Variants in UBR4 observed in about 807,000 individuals in gnomAD.
UBR4 encodes ubiquitin protein ligase E3 component n-recognin 4, also known as E3 ubiquitin-protein ligase UBR4.
UBR4 carries 124 observed loss-of-function variants against 575.6 expected under a neutral mutation model. The observed-to-expected ratio is 0.22, with a 90% CI of 0.19 to 0.25. UBR4 has a LOEUF of 0.25. UBR4 is among the 10% of genes least tolerant of loss of function. UBR4 has a pLI of 1.00. For synonymous variants in UBR4, 2,455 were observed against 2,473.7 expected (o/e 0.99, Z 0.22); for missense variants, 4,818 against 6,478.8 (o/e 0.74, Z 8.80).
At position 19,077,961 on chromosome 1, in the gene UBR4, T is replaced by C. The variant is rs756717900; in HGVS notation, c.15324+15A>G. On this transcript the variant is annotated intron_variant, in intron 104 of 105. Coordinates refer to ENST00000375254, the MANE Select transcript of UBR4 (RefSeq NM_020765.3). ...CTCTTGCCAAAACCCACTGGGCCTC[T>C]GACAGCCTCCTTACCTTAAACATGT... 1 of 1,613,926 alleles carries C rather than the reference T, an allele frequency of 6.2e-7. No individual in the cohort carries two copies. Among genetic ancestry groups the C allele is most frequent in the Admixed American group, 1.7e-5 (1 of 60,014 alleles).
chr1:19,094,783 C>T lies in UBR4; in HGVS notation c.13746+123G>A, dbSNP rs544294917. 2.7e-4 allele frequency: 366 copies of T among 1,356,448 alleles called. 5 individuals are homozygous for T. In the South Asian group the frequency reaches 4.9e-3, roughly 18 times the overall value. The allele number at this position is 1,356,448 out of a possible 1,614,324, so 84.0% of individuals were successfully genotyped here. A position where few individuals can be genotyped will look rare whatever the true frequency, so the allele number is the denominator to read the frequency against. Reference sequence around the variant, plus strand: ...CATCATTAGTTGAGTCCTAACATTCCAATGCTTAAGCAGGCTCCGCCATTC... The same window carrying T: ...CATCATTAGTTGAGTCCTAACATTCTAATGCTTAAGCAGGCTCCGCCATTC... On this transcript the variant is annotated intron_variant, in intron 94 of 105. Transcript: ENST00000375254.
chr1:19,164,199 A>G (rs1030376132), intron 33 of UBR4, 54 bp downstream of exon 33: 36 of 1,557,806 alleles, frequency 2.3e-5, no homozygotes, highest in Non-Finnish European at 3.1e-5. Flanking sequence ...AAAGAAAGTA[A>G]CCCACTTCTC....
intron 1 of UBR4, among the ~76,000 whole-genome samples, chr1:19,203,678 A>G (rs1231502601): frequency 2.0e-5 from 3 of 152,184 alleles, no homozygotes; most frequent in Non-Finnish European, 4.4e-5. Flanking sequence ...AGAGTCTGGC[A>G]TTGCGAGCAC....
chr1:19,153,814 T>C lies in UBR4; in HGVS notation c.6584A>G (p.Asp2195Gly). ...GVPLVVMVKP[D>G]TFLIQEIKTL... is the part of the protein sequence containing the mutation. Reference sequence around the variant, plus strand: ...CTTAATCTCCTGGATAAGAAAAGTGTCTGGTTTCACCATAACTACCAGCGG... The same window carrying C: ...CTTAATCTCCTGGATAAGAAAAGTGCCTGGTTTCACCATAACTACCAGCGG... The change falls in exon 45 of 106, where the codon GAC (aspartate) becomes GGC (glycine). Residue 2195 changes from aspartate (D) to glycine (G), a missense_variant. Physicochemically the swap from Asp to Gly is moderately conservative, Grantham distance 94. Coordinates refer to ENST00000375254, the MANE Select transcript of UBR4 (RefSeq NM_020765.3). The surrounding 1 kb of genome is among the most constrained non-coding windows in gnomAD (Gnocchi z 4.1). 1 of 1,614,202 alleles carries C rather than the reference T, an allele frequency of 6.2e-7. No individual in the cohort carries two copies.
At chr1:19,131,324 TTC>T (rs1323742770) in intron 60 of UBR4, among the ~76,000 whole-genome samples, 1 of 150,462 alleles carries the variant, frequency 6.6e-6, no homozygotes, top group Non-Finnish European at 1.5e-5. Flanking sequence ...TAAAGTAAAA[TTC>T]TGTTTTATTT....
chr1:19,131,413 T>C lies in UBR4; in HGVS notation c.8907-2339A>G, dbSNP rs577069765. Among the ~76,000 whole-genome samples the C allele has an allele frequency of 9.9e-5, 15 of 152,276 alleles. No individual in the cohort carries two copies. The South Asian group carries it at 2.9e-3, about 29-fold the overall frequency. ...TTAAAAATAATTCATTAACCAATTATTTAATTAACTTATTCATGAAAAAAG... is the reference window on the plus strand; with the variant it reads ...TTAAAAATAATTCATTAACCAATTACTTAATTAACTTATTCATGAAAAAAG... On this transcript the variant is annotated intron_variant, in intron 60 of 105. Transcript: ENST00000375254.
At position 19,117,272 on chromosome 1, in the gene UBR4, T is replaced by G; in HGVS notation, c.10772A>C (p.Asn3591Thr). 4 of 1,614,150 alleles carry G rather than the reference T, an allele frequency of 2.5e-6. No individual in the cohort carries two copies. The highest frequency in any genetic ancestry group is 3.4e-6 in the Non-Finnish European group (4 of 1,180,026). Reference protein sequence around the residue: ...LKRTKMVRTINLYYNNRTVQA... With the variant: ...LKRTKMVRTITLYYNNRTVQA... ...CACGGTTCGGTTGTTATAATACAGG[T>G]TGATGGTCCGCACCATCTTGGTCCG... The change falls in exon 73 of 106, where the codon AAC (asparagine) becomes ACC (threonine). Residue 3591 changes from asparagine (N) to threonine (T), a missense_variant. Coordinates refer to ENST00000375254, the MANE Select transcript of UBR4 (RefSeq NM_020765.3). The surrounding 1 kb of genome is among the most constrained non-coding windows in gnomAD (Gnocchi z 4.0).
At chr1:19,175,134 C>A in intron 20 of UBR4, 101 bp from the exon 21 acceptor site, 3 of 1,088,970 alleles carry the variant, frequency 2.8e-6, no homozygotes, top group South Asian at 3.1e-5. Context: ...TAAGGTTTCC[C>A]AACCTTAACA....
intron 1 of UBR4, among the ~76,000 whole-genome samples, chr1:19,209,225 T>C (rs1571907041): frequency 6.6e-6 from 1 of 152,208 alleles, no homozygotes. Context: ...TGAAATGAGG[T>C]ATGGCTAGAA....
At chr1:19,107,248 A>G (rs1446033631) in intron 81 of UBR4, among the ~76,000 whole-genome samples, 1 of 152,116 alleles carries the variant, frequency 6.6e-6, no homozygotes, top group South Asian at 2.1e-4. Flanking sequence ...ACTAATTCCT[A>G]TCCCACGGCT....
chr1:19,104,384 G>C (rs746818556), intron 86 of UBR4, 127 bp from the exon 87 acceptor site: 1 of 1,296,498 alleles, frequency 7.7e-7, no homozygotes, highest in African/African-American at 1.5e-5. Flanking sequence ...CACAGAGCAG[G>C]TGTTCAACAA....
At chr1:19,148,770 G>A in intron 49 of UBR4, 144 bp from the exon 50 acceptor site, 1 of 825,448 alleles carries the variant, frequency 1.2e-6, no homozygotes, top group Non-Finnish European at 1.9e-6. Context: ...ACCTGCCACA[G>A]GCACCATGCA....
chr1:19,109,958 C>T, intron 81 of UBR4, 138 bp downstream of exon 81: 1 of 1,299,712 alleles, frequency 7.7e-7, no homozygotes, highest in Non-Finnish European at 1.1e-6. Flanking sequence ...TGAACTAAGG[C>T]AAAGGCTGCA....
Position 19,084,584 on chromosome 1 carries a change from T to G in UBR4, c.14928A>C (p.Ala4976=), listed in dbSNP as rs1478105941. ...TCTCCCGGCCGCCCCCGCCAGTGTC[T>G]GCGCTGAACGACTGCTCCATGGCGA... ...LRFAMEQSFS[A]DTGGGGRESN... The change falls in exon 102 of 106, where the codon GCA becomes GCC. Residue 4976 remains alanine (A), a synonymous_variant. Transcript: ENST00000375254. 2 of 1,614,244 alleles carry G rather than the reference T, an allele frequency of 1.2e-6. No homozygotes were observed. Among genetic ancestry groups the G allele is most frequent in the East Asian group, 4.5e-5 (2 of 44,882 alleles).
chr1:19,082,449 G>A (rs78455898), intron 102 of UBR4, among the ~76,000 whole-genome samples: 2,694 of 152,266 alleles, frequency 0.018, 74 homozygotes, highest in East Asian at 0.082. Context: ...CCTTCTCCAC[G>A]CTGAAGCTTT....
rs898673452 is a variant in UBR4 at position 19,098,833 on chromosome 1, A to G, written c.13302+764T>C. Among the ~76,000 whole-genome samples the G allele has an allele frequency of 2.0e-5, 3 of 152,214 alleles. No homozygotes were observed. The East Asian group carries it at 5.8e-4, about 29-fold the overall frequency. ...CCAAGTCTAGAAAAGTTTGCTGTGC[A>G]TCCCTGCTACACTAGTTTGCTGTAA... On this transcript the variant is annotated intron_variant, in intron 90 of 105. Coordinates refer to ENST00000375254, the MANE Select transcript of UBR4 (RefSeq NM_020765.3).
chr1:19,081,114 A>AG, intron 103 of UBR4: 1 of 479,020 alleles, frequency 2.1e-6, no homozygotes, highest in Non-Finnish European at 3.7e-6. Context: ...TTTCTACAGT[A>AG]GGTAAGACTG....
chr1:19,078,290 G>A (rs553999679), intron 103 of UBR4: 3 of 486,748 alleles, frequency 6.2e-6, no homozygotes, highest in Non-Finnish European at 1.1e-5. Context: ...AAATTCATCT[G>A]ATTCTCTCAG....
At chr1:19,172,580 A>T (rs2089730809) in intron 25 of UBR4, among the ~76,000 whole-genome samples, 1 of 152,204 alleles carries the variant, frequency 6.6e-6, no homozygotes. Flanking sequence ...TCAGTTAATA[A>T]CAGAAATGAC....
Sources: gnomAD v4.1 joint callset for allele counts (sites outside exome capture counted in the v4.1 genomes callset) on GRCh38, gnomAD v4.1.1 for gene constraint, Gnocchi (gnomAD v3.1) non-coding constraint, MANE v1.5 for transcripts, NCBI Gene and HGNC (gene_info 2026-07-23, HGNC 2026-07-21) for gene names.